Variants in STK3 observed in about 807,000 individuals in gnomAD.
STK3 encodes serine/threonine kinase 3.
In STK3, 41 loss-of-function variants were observed where a neutral mutation model predicts 58.0. That is an observed-to-expected ratio of 0.71 (90% CI 0.55 to 0.92). The LOEUF is 0.92. Among genes scored for constraint, STK3 ranks in the 40% least tolerant of loss-of-function variants. The pLI is 0.00. For synonymous variants in STK3, 170 were observed against 191.0 expected (o/e 0.89, Z 0.91); for missense variants, 479 against 602.7 (o/e 0.79, Z 2.15).
Position 98,708,681 on chromosome 8 carries a change from C to T in STK3, c.352-1370G>A, listed in dbSNP as rs577580284. Among the ~76,000 whole-genome samples the T allele has an allele frequency of 2.6e-5, 4 of 152,258 alleles. No homozygotes were observed. In the South Asian group the frequency reaches 8.3e-4, roughly 32 times the overall value. ...ATTCTCTCATTTATTCTTAAAACAACCTTGTAAGGTAGTGTGATATTATGA... is the reference window on the plus strand; with the variant it reads ...ATTCTCTCATTTATTCTTAAAACAATCTTGTAAGGTAGTGTGATATTATGA... On this transcript the variant is annotated intron_variant, in intron 4 of 10. Coordinates refer to ENST00000419617, the MANE Select transcript of STK3 (RefSeq NM_006281.4).
In STK3 at chr8:98,455,420, G is replaced by A. The variant is rs1029747884; in HGVS notation, c.*422C>T. 6.4e-6 allele frequency: 1 copy of A among 155,542 alleles called. No homozygotes were observed. The highest frequency in any genetic ancestry group is 2.4e-5 in the African/African-American group (1 of 41,228). The allele number at this position is 155,542 out of a possible 1,614,324, so 9.6% of individuals were successfully genotyped here. A position where few individuals can be genotyped will look rare whatever the true frequency, so the allele number is the denominator to read the frequency against. ...TCTTGTCCTTAAAAAATGAAACAAA[G>A]CAAAATAGCATAAATAAATAAGTTT... On this transcript the variant is annotated 3_prime_UTR_variant, in exon 11 of 11. Transcript: ENST00000419617.
At chr8:98,367,971 T>C (rs904454339), downstream of STK3, among the ~76,000 whole-genome samples, 6 of 152,242 alleles carry the variant, frequency 3.9e-5, no homozygotes, top group African/African-American at 1.4e-4. Flanking sequence ...CTGAATGCTT[T>C]GGTTGCTGGC....
intron 6 of STK3, among the ~76,000 whole-genome samples, chr8:98,654,922 T>C (rs1251390027): frequency 2.0e-5 from 3 of 152,194 alleles, no homozygotes; most frequent in South Asian, 2.1e-4. Flanking sequence ...AGGTAGTTTA[T>C]AGATTCAATG....
In STK3 at chr8:98,602,621, A is replaced by G. The variant is rs149252414; in HGVS notation, c.685-6452T>C. On this transcript the variant is annotated intron_variant, in intron 6 of 10. Coordinates refer to ENST00000419617, the MANE Select transcript of STK3 (RefSeq NM_006281.4). ...CTTCTCCATAGTAAAACCTAAATTTATACTGAGAGTGTTGATATAAAGACA... is the reference window on the plus strand; with the variant it reads ...CTTCTCCATAGTAAAACCTAAATTTGTACTGAGAGTGTTGATATAAAGACA... Among the ~76,000 whole-genome samples, 16 of 152,348 alleles carry G rather than the reference A, an allele frequency of 1.1e-4. No homozygotes were observed. In the East Asian group the frequency reaches 3.1e-3, roughly 29 times the overall value.
At chr8:98,598,604 TTA>T in intron 6 of STK3, 1 of 985,368 alleles carries the variant, frequency 1.0e-6, no homozygotes, top group South Asian at 4.7e-5. Context: ...TCTCTAGGTT[TTA>T]TATGAGTTGA....
intron 3 of STK3, among the ~76,000 whole-genome samples, chr8:98,872,628 G>A (rs1031113051): frequency 3.9e-5 from 6 of 152,192 alleles, no homozygotes; most frequent in African/African-American, 1.4e-4. Flanking sequence ...TATTTGTGTA[G>A]AGGTGTTTAT....
chr8:98,350,255 A>G, the STK3 span, among the ~76,000 whole-genome samples: 2 of 152,252 alleles, frequency 1.3e-5, no homozygotes, highest in South Asian at 4.2e-4. Flanking sequence ...TCTTTGCTAA[A>G]ACATAACAAG....
At chr8:98,933,183 G>A (rs1022962579) in intron 1 of STK3, among the ~76,000 whole-genome samples, 1 of 152,090 alleles carries the variant, frequency 6.6e-6, no homozygotes, top group African/African-American at 2.4e-5. Context: ...TACATCCTTT[G>A]GTATGTTTGT....
At chr8:98,568,180 C>A (rs1254093276) in intron 8 of STK3, among the ~76,000 whole-genome samples, 1 of 152,078 alleles carries the variant, frequency 6.6e-6, no homozygotes, top group East Asian at 1.9e-4. Flanking sequence ...ATGGCAGGAG[C>A]TCCCATCAAA....
chr8:98,905,494 G>C, intron 1 of STK3: 1 of 1,187,048 alleles, frequency 8.4e-7, no homozygotes, highest in Admixed American at 1.7e-5. Flanking sequence ...ACCCCATGAA[G>C]CTTGTAATGA....
Position 98,514,786 on chromosome 8 carries a change from C to A in STK3, c.1317+11956G>T, listed in dbSNP as rs143628538. On this transcript the variant is annotated intron_variant, in intron 10 of 10. Transcript: ENST00000419617. ...TTTCCATGCCAAATAGTCCCAAATT[C>A]ATGGTTCCATTCTGTACTTTCAACT... is the stretch of plus-strand genomic sequence containing the variant. Among the ~76,000 whole-genome samples the A allele has an allele frequency of 3.9e-3, 586 of 152,166 alleles. 3 individuals are homozygous for A. The highest frequency in any genetic ancestry group is 0.014 in the African/African-American group (563 of 41,532).
chr8:98,937,018 A>G (rs1171983207), intron 1 of STK3, among the ~76,000 whole-genome samples: 1 of 152,232 alleles, frequency 6.6e-6, no homozygotes, highest in Non-Finnish European at 1.5e-5. Context: ...CTCCAGATCC[A>G]TTGAAGTTTT....
chr8:98,583,035 TCTG>T (rs1369380349), intron 7 of STK3, among the ~76,000 whole-genome samples: 12 of 152,174 alleles, frequency 7.9e-5, no homozygotes, highest in African/African-American at 2.9e-4. Context: ...TTTACTGATT[TCTG>T]CTGTCAATTT....
At chr8:98,708,414 T>C (rs1336351736) in intron 4 of STK3, among the ~76,000 whole-genome samples, 5 of 152,028 alleles carry the variant, frequency 3.3e-5, no homozygotes, top group Non-Finnish European at 4.4e-5. Flanking sequence ...CCTACACCAA[T>C]GCCACTCCTA....
chr8:98,701,529 C>T (rs1825614571), intron 6 of STK3, among the ~76,000 whole-genome samples: 1 of 151,818 alleles, frequency 6.6e-6, no homozygotes, highest in African/African-American at 2.4e-5. Context: ...TGAGCTGAGA[C>T]AGGAGAATCG....
chr8:98,742,330 CAATAA>C (rs1790733654), intron 4 of STK3, among the ~76,000 whole-genome samples: 1 of 148,720 alleles, frequency 6.7e-6, no homozygotes, highest in Admixed American at 6.8e-5. Flanking sequence ...CAAAAATGCT[CAATAA>C]AATACTGGCA....
rs1812711072 is a variant in STK3, at chr8:98,568,683, T to C, written c.948+10981A>G. Among the ~76,000 whole-genome samples the C allele has an allele frequency of 2.6e-5, 4 of 151,978 alleles. No homozygotes were observed. In the South Asian group the frequency reaches 6.2e-4, roughly 24 times the overall value. On this transcript the variant is annotated intron_variant, in intron 8 of 10. Transcript: ENST00000419617. ...AAATAATAATAATGAAATAATAACG[T>C]AGAAGAGAAAGCTATCTTAGACATT...
chr8:98,649,789 G>A (rs1436163370), intron 6 of STK3, among the ~76,000 whole-genome samples: 1 of 152,034 alleles, frequency 6.6e-6, no homozygotes, highest in East Asian at 1.9e-4. Context: ...ACAATTTTTG[G>A]TAAAAGATTA....
In STK3 at chr8:98,744,524, C is replaced by A. The variant is rs555599413; in HGVS notation, c.351+4752G>T. On this transcript the variant is annotated intron_variant, in intron 4 of 10. Transcript: ENST00000419617. ...GCATATTCTCACTCATAGGTGGGAA[C>A]TGAACAATGAGAACACATGGACACA... Among the ~76,000 whole-genome samples the A allele has an allele frequency of 1.5e-3, 208 of 136,672 alleles. 1 individual carries two copies. The highest frequency in any genetic ancestry group is 5.6e-3 in the African/African-American group (203 of 36,002). The allele number at this position is 136,672 out of a possible 152,430, so 89.7% of individuals were successfully genotyped here.
Sources: allele counts gnomAD v4.1 joint callset (sites outside exome capture counted in the v4.1 genomes callset), GRCh38; gene constraint gnomAD v4.1.1; transcripts MANE v1.5; gene names NCBI Gene and HGNC (gene_info 2026-07-23, HGNC 2026-07-21).